ADAMTS3: variants seen among roughly 807,000 people sequenced by gnomAD.
The protein encoded by ADAMTS3 is A disintegrin and metalloproteinase with thrombospondin motifs 3.
In ADAMTS3, 73 loss-of-function variants were observed where a neutral mutation model predicts 129.0. The ratio of observed to expected loss-of-function variants is 0.57; its 90% CI spans 0.47 to 0.69. The LOEUF (loss-of-function observed/expected upper bound fraction) is 0.69. Ranked by LOEUF, ADAMTS3 falls within the 30% of genes least tolerant of loss-of-function variation. The probability of loss-of-function intolerance (pLI) is 0.00; values close to 1 mark genes in which losing one functional copy is unlikely to be tolerated. For missense variants in ADAMTS3, 1,457 were observed against 1,514.5 expected (o/e 0.96, Z 0.63); for synonymous variants, 477 against 510.8 (o/e 0.93, Z 0.89).
At chr4:72,438,043 G>A (rs1020500926) in intron 3 of ADAMTS3, among the ~76,000 whole-genome samples, 4 of 151,550 alleles carry the variant, frequency 2.6e-5, no homozygotes, top group African/African-American at 9.7e-5. Flanking sequence ...TTTAGCTATT[G>A]TGATTTAAAG....
At chr4:72,514,859 A>ACACATGTTTTAGGGTACATGT (rs1720416520) in intron 3 of ADAMTS3, among the ~76,000 whole-genome samples, 1 of 152,020 alleles carries the variant, frequency 6.6e-6, no homozygotes, top group African/African-American at 2.4e-5. Flanking sequence ...TTATACTTTA[A>ACACATGTTTTAGGGTACATGT]GTTTTAGGGT....
intron 3 of ADAMTS3, among the ~76,000 whole-genome samples, chr4:72,458,212 A>G (rs1718674883): frequency 6.6e-6 from 1 of 151,800 alleles, no homozygotes. Flanking sequence ...ACAGTATAGT[A>G]CATGCATCAC....
At chr4:72,295,820 C>T in intron 18 of ADAMTS3, 34 bp from the exon 19 acceptor site, 3 of 1,601,146 alleles carry the variant, frequency 1.9e-6, no homozygotes, top group Non-Finnish European at 2.6e-6. Flanking sequence ...TGGATTTAAT[C>T]ACTTCTTCAT....
At chr4:72,477,298 T>G (rs1438372704) in intron 3 of ADAMTS3, among the ~76,000 whole-genome samples, 1 of 151,884 alleles carries the variant, frequency 6.6e-6, no homozygotes, top group African/African-American at 2.4e-5. Flanking sequence ...GAAGTAAAGC[T>G]CTCATCAGCA....
intron 3 of ADAMTS3, among the ~76,000 whole-genome samples, chr4:72,508,136 T>G (rs1177605951): frequency 6.6e-6 from 1 of 152,118 alleles, no homozygotes; most frequent in Non-Finnish European, 1.5e-5. Flanking sequence ...TTGTAAAATA[T>G]TCATAAGTCA....
chr4:72,450,479 G>A (rs1158117227), intron 3 of ADAMTS3, among the ~76,000 whole-genome samples: 3 of 151,764 alleles, frequency 2.0e-5, no homozygotes, highest in Non-Finnish European at 4.4e-5. Flanking sequence ...TCCATTATAT[G>A]ACCATTCCCA....
chr4:72,317,313 A>C (rs1719424128), intron 10 of ADAMTS3, among the ~76,000 whole-genome samples: 3 of 152,156 alleles, frequency 2.0e-5, no homozygotes, highest in African/African-American at 7.2e-5. Context: ...ACATTAATGC[A>C]AGTAATTAGG....
chr4:72,534,066 G>A (rs996855537), intron 3 of ADAMTS3, among the ~76,000 whole-genome samples: 1 of 152,100 alleles, frequency 6.6e-6, no homozygotes, highest in African/African-American at 2.4e-5. Context: ...AGGGGCTCAC[G>A]CCTGTAATCC....
At chr4:72,405,050 G>A (rs191353132) in intron 4 of ADAMTS3, among the ~76,000 whole-genome samples, 2 of 152,156 alleles carry the variant, frequency 1.3e-5, no homozygotes, top group East Asian at 3.9e-4. Flanking sequence ...TAAGTATTGA[G>A]GAGATGTAGA....
intron 3 of ADAMTS3, among the ~76,000 whole-genome samples, chr4:72,431,898 T>C (rs896146991): frequency 1.3e-4 from 19 of 151,988 alleles, no homozygotes; most frequent in Non-Finnish European, 2.1e-4. Flanking sequence ...GCAGTAGTTG[T>C]AGCGTAGTAA....
intron 3 of ADAMTS3, among the ~76,000 whole-genome samples, chr4:72,480,749 T>A (rs1719412160): frequency 1.3e-5 from 2 of 148,946 alleles, no homozygotes; most frequent in African/African-American, 4.9e-5. Flanking sequence ...ATAAAAGGCA[T>A]GTATACTGGA....
At chr4:72,525,876 A>G (rs1720792532) in intron 3 of ADAMTS3, among the ~76,000 whole-genome samples, 1 of 152,200 alleles carries the variant, frequency 6.6e-6, no homozygotes. Flanking sequence ...ATTACTCTGA[A>G]CTGGCGGGGG....
At chr4:72,494,796 G>T (rs368421690) in intron 3 of ADAMTS3, among the ~76,000 whole-genome samples, 2 of 152,156 alleles carry the variant, frequency 1.3e-5, no homozygotes, top group Non-Finnish European at 2.9e-5. Flanking sequence ...CAGTTTGGGG[G>T]TGCTTAGTAG....
chr4:72,342,221 A>G (rs1720155562), intron 4 of ADAMTS3, among the ~76,000 whole-genome samples: 1 of 152,114 alleles, frequency 6.6e-6, no homozygotes, highest in South Asian at 2.1e-4. Flanking sequence ...CCCACAACTA[A>G]ACTGCCTTTG....
At chr4:72,502,215 T>C (rs1205857499) in intron 3 of ADAMTS3, among the ~76,000 whole-genome samples, 1 of 152,178 alleles carries the variant, frequency 6.6e-6, no homozygotes, top group Non-Finnish European at 1.5e-5. Flanking sequence ...GTACATCTTG[T>C]AGAATTTGGC....
intron 2 of ADAMTS3, among the ~76,000 whole-genome samples, chr4:72,559,635 T>A (rs756212200): frequency 2.1e-4 from 32 of 151,452 alleles, no homozygotes; most frequent in Non-Finnish European, 4.3e-4. Flanking sequence ...AAAAGTTTTT[T>A]TAAAAAAAGA....
chr4:72,530,684 A>ATATATATTGTATCATATATTATATAT (rs1721004731), intron 3 of ADAMTS3, among the ~76,000 whole-genome samples: 1 of 87,872 alleles, frequency 1.1e-5, no homozygotes, highest in Non-Finnish European at 2.0e-5. Flanking sequence ...AATATGTATA[A>ATATATATTGTATCATATATTATATAT]TATATATTGT....
rs190448647 is a variant in ADAMTS3, at chr4:72,364,874, C to A, written c.662-25181G>T. 1.1e-4 allele frequency among the ~76,000 whole-genome samples: 17 copies of A among 152,180 alleles called. No homozygotes were observed. In the East Asian group the frequency reaches 2.9e-3, roughly 26 times the overall value. On this transcript the variant is annotated intron_variant, in intron 4 of 21. Transcript: ENST00000286657. ...AAAGTGCTGGGATAACAGGTGTGAGCCACCGCACTAGGCCAAAACTTTGAA... is the reference window on the plus strand; with the variant it reads ...AAAGTGCTGGGATAACAGGTGTGAGACACCGCACTAGGCCAAAACTTTGAA...
intron 18 of ADAMTS3, 139 bp from the exon 19 acceptor site, chr4:72,295,925 A>G: frequency 1.0e-6 from 1 of 985,728 alleles, no homozygotes; most frequent in South Asian, 1.8e-5. Flanking sequence ...GCACTTCAAT[A>G]GGTGCTGAAG....
Sources: gnomAD v4.1 joint callset for allele counts (sites outside exome capture counted in the v4.1 genomes callset) on GRCh38, gnomAD v4.1.1 for gene constraint, MANE v1.5 for transcripts, NCBI Gene and HGNC (gene_info 2026-07-23, HGNC 2026-07-21) for gene names.